The following NRG3 variants were observed in gnomAD, a reference collection of about 807,000 sequenced individuals.
NRG3 encodes the protein neuregulin 3.
Under a neutral mutation model 66.9 loss-of-function variants are expected in NRG3, and 31 were observed. The observed-to-expected ratio is 0.46, with a 90% confidence interval of 0.35 to 0.63. The LOEUF is 0.63. Among genes scored for constraint, NRG3 ranks in the 20% least tolerant of loss-of-function variants. NRG3 has a pLI of 0.00. For synonymous variants in NRG3, 393 were observed against 359.4 expected, an observed-to-expected ratio of 1.09 and a Z score of -1.06; for missense variants, 910 against 878.9, an observed-to-expected ratio of 1.04 and a Z score of -0.45.
intron 2 of NRG3, among the ~76,000 whole-genome samples, chr10:82,548,048 T>TTG (rs1235071410): frequency 6.6e-6 from 1 of 150,778 alleles, no homozygotes; most frequent in African/African-American, 2.4e-5. Flanking sequence ...CGTTTTTTTT[T>TTG]TTTTTTTTTT....
chr10:82,384,685 G>T (rs2085863162), intron 2 of NRG3, among the ~76,000 whole-genome samples: 1 of 152,102 alleles, frequency 6.6e-6, no homozygotes, highest in African/African-American at 2.4e-5. Flanking sequence ...ATCATTGATG[G>T]TCATTTAGGT....
intron 2 of NRG3, among the ~76,000 whole-genome samples, chr10:82,441,627 G>A (rs1340994608): frequency 2.6e-5 from 4 of 152,306 alleles, no homozygotes; most frequent in East Asian, 1.9e-4. Context: ...AGTAACATGG[G>A]CATTGGAAGA....
intron 1 of NRG3, among the ~76,000 whole-genome samples, chr10:82,266,426 C>T (rs891460891): frequency 1.3e-5 from 2 of 152,038 alleles, no homozygotes; most frequent in African/African-American, 4.8e-5. Flanking sequence ...TACATTTGAC[C>T]TTCCTGTGAG....
intron 4 of NRG3, among the ~76,000 whole-genome samples, chr10:82,903,885 C>CAT (rs149120018): frequency 6.8e-4 from 102 of 150,872 alleles, no homozygotes; most frequent in South Asian, 4.8e-3. Context: ...CTGTACATTA[C>CAT]ATATATATAT....
At chr10:82,467,153 C>T (rs1432295231) in intron 2 of NRG3, among the ~76,000 whole-genome samples, 1 of 152,184 alleles carries the variant, frequency 6.6e-6, no homozygotes, top group African/African-American at 2.4e-5. Flanking sequence ...AAGCACTGCA[C>T]TTTATTGACA....
chr10:81,987,156 C>T (rs1037879245), intron 1 of NRG3, among the ~76,000 whole-genome samples: 9 of 152,000 alleles, frequency 5.9e-5, no homozygotes, highest in African/African-American at 1.4e-4. Flanking sequence ...GACGCGATCT[C>T]GGCTCACAGC....
chr10:82,962,040 T>C (rs975466740), intron 6 of NRG3, among the ~76,000 whole-genome samples: 8 of 152,332 alleles, frequency 5.3e-5, no homozygotes, highest in Non-Finnish European at 7.3e-5. Context: ...TAAACATTCA[T>C]GGAAATGGGT....
At chr10:82,756,393 T>C (rs945868328) in intron 3 of NRG3, among the ~76,000 whole-genome samples, 2 of 152,106 alleles carry the variant, frequency 1.3e-5, no homozygotes, top group Admixed American at 6.6e-5. Context: ...TACATACTAA[T>C]GTAAAATAAT....
chr10:82,421,427 C>T (rs905999367), intron 2 of NRG3, among the ~76,000 whole-genome samples: 9 of 151,912 alleles, frequency 5.9e-5, no homozygotes, highest in East Asian at 3.9e-4. Flanking sequence ...AAAGTCTATG[C>T]GGCAACAATG....
intron 1 of NRG3, among the ~76,000 whole-genome samples, chr10:81,951,897 A>T (rs949170407): frequency 2.6e-5 from 4 of 152,210 alleles, no homozygotes; most frequent in African/African-American, 7.2e-5. Context: ...GATAGACTGG[A>T]TTAAGAAAAT....
In NRG3 at chr10:82,700,232, A is replaced by C. The variant is rs370581670; in HGVS notation, c.954-38345A>C. ...TGGTAGACTGAGAAATCCATTGAAA[A>C]TTTCCGCCCGAGAAAACCAGCTTGA... On this transcript the variant is annotated intron_variant, in intron 2 of 8. Coordinates refer to ENST00000372141, the MANE Select transcript of NRG3 (RefSeq NM_001010848.4). Among the ~76,000 whole-genome samples the C allele has an allele frequency of 1.5e-4, 23 of 152,226 alleles. No homozygotes were observed. The South Asian group carries it at 2.3e-3, about 15-fold the overall frequency.
intron 2 of NRG3, among the ~76,000 whole-genome samples, chr10:82,698,917 C>G (rs1012109951): frequency 1.3e-5 from 2 of 152,156 alleles, no homozygotes; most frequent in African/African-American, 2.4e-5. Context: ...CACACCTGTA[C>G]TTCACAATAT....
intron 3 of NRG3, among the ~76,000 whole-genome samples, chr10:82,856,618 C>T (rs2063815874): frequency 6.6e-6 from 1 of 151,620 alleles, no homozygotes; most frequent in Admixed American, 6.6e-5. Context: ...GGTGGCCGTG[C>T]CTGTAATCCC....
chr10:82,376,032 C>G (rs2085207903), intron 2 of NRG3, among the ~76,000 whole-genome samples: 1 of 152,160 alleles, frequency 6.6e-6, no homozygotes. Flanking sequence ...GTCCTTCATG[C>G]CAGTGCCTCA....
intron 1 of NRG3, among the ~76,000 whole-genome samples, chr10:82,218,680 T>C (rs1013831162): frequency 6.6e-6 from 1 of 152,160 alleles, no homozygotes; most frequent in African/African-American, 2.4e-5. Flanking sequence ...TCCCCACATA[T>C]CTTTCTTCTT....
intron 2 of NRG3, among the ~76,000 whole-genome samples, chr10:82,477,163 GCAAAGA>G (rs1841860529): frequency 6.6e-6 from 1 of 152,070 alleles, no homozygotes; most frequent in Admixed American, 6.5e-5. Flanking sequence ...AGGACTGATG[GCAAAGA>G]TCCCCAGAAT....
chr10:82,146,399 A>G (rs2070259436), intron 1 of NRG3, among the ~76,000 whole-genome samples: 1 of 152,130 alleles, frequency 6.6e-6, no homozygotes, highest in East Asian at 1.9e-4. Flanking sequence ...ATTCTGATTT[A>G]TCGTCTCTAG....
At chr10:81,900,522 A>G (rs1843967355) in intron 1 of NRG3, among the ~76,000 whole-genome samples, 1 of 152,246 alleles carries the variant, frequency 6.6e-6, no homozygotes, top group East Asian at 1.9e-4. Flanking sequence ...AGATTCGCAT[A>G]TCAGCAAGGC....
intron 3 of NRG3, among the ~76,000 whole-genome samples, chr10:82,776,515 T>C (rs1156590706): frequency 6.6e-6 from 1 of 152,216 alleles, no homozygotes; most frequent in Non-Finnish European, 1.5e-5. Flanking sequence ...AAATAAGCTT[T>C]ATGTGCCTTT....
Sources: gnomAD v4.1 joint callset for allele counts (sites outside exome capture counted in the v4.1 genomes callset) on GRCh38, gnomAD v4.1.1 for gene constraint, MANE v1.5 for transcripts, NCBI Gene and HGNC (gene_info 2026-07-23, HGNC 2026-07-21) for gene names.